Variants in GRIN2B observed in about 807,000 individuals in gnomAD.
The protein encoded by GRIN2B is glutamate receptor ionotropic, NMDA 2B.
A neutral mutation model predicts 114.5 loss-of-function variants in GRIN2B; 5 were observed. The ratio of observed to expected loss-of-function variants is 0.04; its 90% CI spans 0.02 to 0.09. The LOEUF is 0.09. Ranked by LOEUF, GRIN2B falls within the 10% of genes least tolerant of loss-of-function variation. The pLI, the probability that GRIN2B is intolerant of heterozygous loss-of-function variation, is 1.00. For synonymous variants in GRIN2B, 787 were observed against 745.1 expected (o/e 1.06, Z -0.92); for missense variants, 1,108 against 1,943.5 (o/e 0.57, Z 8.08).
At chr12:13,848,719 A>G (rs533560410) in intron 3 of GRIN2B, among the ~76,000 whole-genome samples, 2 of 152,268 alleles carry the variant, frequency 1.3e-5, no homozygotes, top group South Asian at 4.2e-4. Flanking sequence ...AACTCTTAAC[A>G]GCTTCAGAAG....
rs1343422521 is a variant in GRIN2B, at chr12:13,692,773, T to C, written c.1011-16914A>G. 1.9e-3 allele frequency among the ~76,000 whole-genome samples: 233 copies of C among 125,746 alleles called. 4 individuals carry two copies. The East Asian group carries it at 0.024, about 13-fold the overall frequency. 82.5% of individuals were successfully genotyped at this position (125,746 alleles called of 152,430 possible). A position where few individuals can be genotyped will look rare whatever the true frequency, so the allele number is the denominator to read the frequency against. ...AATCTTTCTTTTCTTTTTTTTTTTT[T>C]TTTTTTTTTTTTGAGGCAGAGTTTT... On this transcript the variant is annotated intron_variant, in intron 4 of 13. Coordinates refer to ENST00000609686, the MANE Select transcript of GRIN2B (RefSeq NM_000834.5).
chr12:13,821,788 C>T (rs1250430134), intron 3 of GRIN2B, among the ~76,000 whole-genome samples: 1 of 152,152 alleles, frequency 6.6e-6, no homozygotes, highest in Non-Finnish European at 1.5e-5. Context: ...CTATTGAATT[C>T]ACAAGAATTT....
intron 2 of GRIN2B, among the ~76,000 whole-genome samples, chr12:13,911,286 T>C (rs1866623629): frequency 6.6e-6 from 1 of 152,154 alleles, no homozygotes; most frequent in Admixed American, 6.5e-5. Context: ...ACATAGGTGC[T>C]TCAGCCAGAG....
chr12:13,916,729 AC>A (rs1866732144), intron 2 of GRIN2B, among the ~76,000 whole-genome samples: 2 of 35,824 alleles, frequency 5.6e-5, no homozygotes, highest in Non-Finnish European at 1.2e-4. Flanking sequence ...ACACACACAC[AC>A]ACACATTTGT....
rs562141222 is a variant in GRIN2B, at chr12:13,702,022, A to T, written c.1011-26163T>A. ...AAGTCTTTTCTTTCTACATTTGAAT[A>T]ATCTCAGCAATAACAGAACTTCAGC... is the stretch of plus-strand genomic sequence containing the variant. On this transcript the variant is annotated intron_variant, in intron 4 of 13. Transcript: ENST00000609686. Among the ~76,000 whole-genome samples, 7 of 152,358 alleles carry T rather than the reference A, an allele frequency of 4.6e-5. No individual in the cohort carries two copies. The South Asian group carries it at 1.5e-3, about 32-fold the overall frequency.
chr12:13,592,521 T>C (rs930201156), intron 10 of GRIN2B, among the ~76,000 whole-genome samples: 5 of 152,202 alleles, frequency 3.3e-5, no homozygotes, highest in African/African-American at 1.2e-4. Context: ...CCCACAACTG[T>C]CTTGGTAAAT....
At chr12:13,954,973 A>G (rs1298985425) in intron 2 of GRIN2B, among the ~76,000 whole-genome samples, 1 of 152,044 alleles carries the variant, frequency 6.6e-6, no homozygotes, top group African/African-American at 2.4e-5. Flanking sequence ...TTCATTATAG[A>G]ACTGATAGAA....
chr12:13,700,745 G>A (rs1399849959), intron 4 of GRIN2B, among the ~76,000 whole-genome samples: 2 of 152,162 alleles, frequency 1.3e-5, no homozygotes, highest in African/African-American at 4.8e-5. Context: ...TCCCTGTTGG[G>A]TCCTTCCTAA....
chr12:13,830,721 C>T (rs1262064649), intron 3 of GRIN2B, among the ~76,000 whole-genome samples: 2 of 152,172 alleles, frequency 1.3e-5, no homozygotes, highest in African/African-American at 4.8e-5. Context: ...AGATCAAAAG[C>T]CCTGTTAAAG....
intron 5 of GRIN2B, among the ~76,000 whole-genome samples, chr12:13,643,244 GT>G (rs1950783191): frequency 6.6e-6 from 1 of 152,012 alleles, no homozygotes; most frequent in African/African-American, 2.4e-5. Flanking sequence ...GATATTACAG[GT>G]TTGGTTCTAG....
At chr12:13,726,576 T>C (rs1173978992) in intron 4 of GRIN2B, among the ~76,000 whole-genome samples, 1 of 147,684 alleles carries the variant, frequency 6.8e-6, no homozygotes, top group Non-Finnish European at 1.5e-5. Flanking sequence ...ATATTATAAA[T>C]ATATATATAA....
intron 3 of GRIN2B, among the ~76,000 whole-genome samples, chr12:13,859,927 C>A (rs1004449773): frequency 6.6e-6 from 1 of 152,176 alleles, no homozygotes; most frequent in Non-Finnish European, 1.5e-5. Context: ...ACAGTTTTCT[C>A]CCAAAGTATT....
Position 13,616,439 on chromosome 12 carries a change from T to C in GRIN2B, c.1328+16A>G. 1.3e-6 allele frequency: 2 copies of C among 1,598,168 alleles called. No homozygotes were observed. The highest frequency in any genetic ancestry group is 2.2e-5 in the South Asian group (2 of 90,716). On this transcript the variant is annotated intron_variant, in intron 6 of 13. Transcript: ENST00000609686. ...ACTCTCCCATGCCACCCAAAGTCAT[T>C]GAGAGGATGCCATACTCAGTGACTA...
Position 13,900,069 on chromosome 12 carries a change from T to G in GRIN2B, c.-18-33843A>C, listed in dbSNP as rs572120032. Among the ~76,000 whole-genome samples, 8 of 152,360 alleles carry G rather than the reference T, an allele frequency of 5.3e-5. 1 individual carries two copies. The highest frequency in any genetic ancestry group is 1.9e-4 in the African/African-American group (8 of 41,584). ...TCTCTATTTGTTAAATCTATTCATA[T>G]TTCAAGAACACTCTCAAATATCCTT... On this transcript the variant is annotated intron_variant, in intron 2 of 13. Coordinates refer to ENST00000609686, the MANE Select transcript of GRIN2B (RefSeq NM_000834.5).
At chr12:13,967,641 A>C (rs1315856155) in intron 2 of GRIN2B, among the ~76,000 whole-genome samples, 4 of 152,328 alleles carry the variant, frequency 2.6e-5, no homozygotes, top group African/African-American at 9.6e-5. Flanking sequence ...ACACCAGGAC[A>C]TGAGGGTGGA....
At chr12:13,656,752 A>T (rs1340577275) in intron 5 of GRIN2B, among the ~76,000 whole-genome samples, 5 of 152,252 alleles carry the variant, frequency 3.3e-5, no homozygotes, top group African/African-American at 4.8e-5. Context: ...ATGAATAAAT[A>T]GATGTCACTA....
chr12:13,694,697 ATATATAAATT>A (rs1461402737), intron 4 of GRIN2B, among the ~76,000 whole-genome samples: 1 of 130,494 alleles, frequency 7.7e-6, no homozygotes, highest in African/African-American at 2.8e-5. Context: ...ATATATATAT[ATATATAAATT>A]AATTAATATT....
At chr12:13,607,614 A>G (rs1374412697) in intron 10 of GRIN2B, among the ~76,000 whole-genome samples, 1 of 146,192 alleles carries the variant, frequency 6.8e-6, no homozygotes, top group African/African-American at 2.6e-5. Flanking sequence ...TTCTTCTCAG[A>G]CCATTTGCTT....
At chr12:13,595,619 TTGA>T (rs1322101293) in intron 10 of GRIN2B, among the ~76,000 whole-genome samples, 1 of 152,198 alleles carries the variant, frequency 6.6e-6, no homozygotes, top group Non-Finnish European at 1.5e-5. Flanking sequence ...CCATCTCCAC[TTGA>T]TGCCTTCTCA....
Sources: gnomAD v4.1 joint callset for allele counts (sites outside exome capture counted in the v4.1 genomes callset) on GRCh38, gnomAD v4.1.1 for gene constraint, MANE v1.5 for transcripts, NCBI Gene and HGNC (gene_info 2026-07-23, HGNC 2026-07-21) for gene names.